Variants in EHBP1 observed in about 807,000 individuals in gnomAD.
The protein encoded by EHBP1 is EH domain binding protein 1.
Under a neutral mutation model 144.0 loss-of-function variants are expected in EHBP1, and 55 were observed. That is an observed-to-expected ratio of 0.38 (90% CI 0.31 to 0.48). The LOEUF (loss-of-function observed/expected upper bound fraction) is 0.48. EHBP1 is among the 20% of genes least tolerant of loss of function. EHBP1 has a pLI of 0.98. For missense variants in EHBP1, 1,200 were observed against 1,364.2 expected (o/e 0.88, Z 1.90); for synonymous variants, 469 against 472.7 (o/e 0.99, Z 0.10).
intron 5 of EHBP1, among the ~76,000 whole-genome samples, chr2:62,784,904 C>G (rs2042700013): frequency 6.6e-6 from 1 of 152,108 alleles, no homozygotes; most frequent in East Asian, 1.9e-4. Flanking sequence ...TATAGATTTG[C>G]CCACTGGACC....
intron 10 of EHBP1, among the ~76,000 whole-genome samples, chr2:62,909,440 T>C (rs571208292): frequency 2.0e-5 from 3 of 152,202 alleles, no homozygotes; most frequent in African/African-American, 7.2e-5. Flanking sequence ...GCCTTGGCCT[T>C]CCAAAGTGCT....
intron 14 of EHBP1, among the ~76,000 whole-genome samples, chr2:62,959,984 G>A (rs1015199581): frequency 3.9e-5 from 6 of 152,136 alleles, no homozygotes; most frequent in African/African-American, 1.2e-4. Context: ...TTAGCTACTT[G>A]TGAGACTTTT....
intron 5 of EHBP1, among the ~76,000 whole-genome samples, chr2:62,792,414 T>G (rs1341271910): frequency 6.6e-6 from 1 of 152,092 alleles, no homozygotes; most frequent in Non-Finnish European, 1.5e-5. Flanking sequence ...TAGTGGTTCA[T>G]ATTCTCGTTT....
At chr2:62,885,776 A>G (rs924998993) in intron 10 of EHBP1, among the ~76,000 whole-genome samples, 4 of 152,196 alleles carry the variant, frequency 2.6e-5, no homozygotes, top group Non-Finnish European at 5.9e-5. Context: ...CGTACATTCC[A>G]TGATGAAATG....
chr2:62,821,987 A>G (rs373020462), intron 5 of EHBP1, among the ~76,000 whole-genome samples: 2 of 152,150 alleles, frequency 1.3e-5, no homozygotes, highest in African/African-American at 2.4e-5. Context: ...AAACAATCCA[A>G]TTCTTTCCGT....
rs763787249 is a variant in EHBP1 at position 62,859,226 on chromosome 2, A to G, written c.692A>G (p.Asn231Ser). ...DEAEKDLATV[N>S]SNPFDDPDAA... is the part of the protein sequence containing the mutation. ...GCAGAAAAGGACTTGGCCACCGTGA[A>G]TTCAAATCCATTTGATGATCCTGAT... is the stretch of plus-strand genomic sequence containing the variant. Residue 231 changes from asparagine (N) to serine (S), a missense_variant, in exon 8 of 23, where the codon AAT becomes AGT. Asn to Ser is a conservative substitution (Grantham distance 46, BLOSUM62 1). Around this residue, in one of 6 missense-constraint regions of EHBP1, gnomAD observed 266 missense variants for 262.4 expected, o/e 1.01. Coordinates refer to ENST00000431489, the MANE Select transcript of EHBP1 (RefSeq NM_001142616.3). 1 of 1,612,358 alleles carries G rather than the reference A, an allele frequency of 6.2e-7. No homozygotes were observed. The highest frequency in any genetic ancestry group is 8.5e-7 in the Non-Finnish European group (1 of 1,178,868).
chr2:62,725,216 A>T (rs369271575), intron 2 of EHBP1, among the ~76,000 whole-genome samples: 1 of 152,138 alleles, frequency 6.6e-6, no homozygotes, highest in Non-Finnish European at 1.5e-5. Context: ...AGTGTTTTGT[A>T]GTGTGGTGAC....
At chr2:62,871,173 A>G (rs1486162512) in intron 9 of EHBP1, among the ~76,000 whole-genome samples, 1 of 152,258 alleles carries the variant, frequency 6.6e-6, no homozygotes, top group Non-Finnish European at 1.5e-5. Context: ...AACTTTAAGT[A>G]CAGGCATTCA....
chr2:62,779,326 C>T (rs2152405378), intron 5 of EHBP1, among the ~76,000 whole-genome samples: 1 of 152,216 alleles, frequency 6.6e-6, no homozygotes, highest in South Asian at 2.1e-4. Flanking sequence ...CAGTAATGCC[C>T]ATTTATCTGT....
upstream of EHBP1, among the ~76,000 whole-genome samples, chr2:62,705,378 C>T (rs1321347095): frequency 6.6e-6 from 1 of 152,132 alleles, no homozygotes; most frequent in Non-Finnish European, 1.5e-5. Flanking sequence ...GGACAGCCAC[C>T]TTCTGCAATC....
intron 10 of EHBP1, among the ~76,000 whole-genome samples, chr2:62,920,083 A>G (rs1204834828): frequency 6.6e-6 from 1 of 152,200 alleles, no homozygotes; most frequent in Non-Finnish European, 1.5e-5. Context: ...GATAATGGCT[A>G]AAACTTCCCA....
intron 3 of EHBP1, among the ~76,000 whole-genome samples, chr2:62,761,766 A>C (rs969290967): frequency 6.6e-6 from 1 of 151,934 alleles, no homozygotes; most frequent in African/African-American, 2.4e-5. Context: ...GCATCATTAG[A>C]TTTTCCCTCT....
At chr2:63,039,272 T>C (rs1025436183) in intron 21 of EHBP1, among the ~76,000 whole-genome samples, 1 of 152,204 alleles carries the variant, frequency 6.6e-6, no homozygotes, top group African/African-American at 2.4e-5. Flanking sequence ...CCAACTTGTA[T>C]TAAGTGAATA....
chr2:62,718,979 ATTTT>A (rs1397556532), intron 2 of EHBP1, among the ~76,000 whole-genome samples: 6 of 138,264 alleles, frequency 4.3e-5, no homozygotes, highest in Non-Finnish European at 3.2e-5. Flanking sequence ...TTGAGGTAGA[ATTTT>A]TTTTTTTTTT....
At chr2:63,039,997 GTTCTGT>G (rs1354283062) in intron 21 of EHBP1, among the ~76,000 whole-genome samples, 3 of 152,024 alleles carry the variant, frequency 2.0e-5, no homozygotes, top group African/African-American at 7.2e-5. Context: ...TATTTAAGAA[GTTCTGT>G]GAAACGTGCC....
chr2:62,746,003 A>G (rs1218354305), intron 2 of EHBP1, among the ~76,000 whole-genome samples: 1 of 152,120 alleles, frequency 6.6e-6, no homozygotes, highest in African/African-American at 2.4e-5. Context: ...ATATAATTTC[A>G]GAGTTGAAAT....
At chr2:62,879,986 G>T (rs2051261760) in intron 10 of EHBP1, among the ~76,000 whole-genome samples, 1 of 152,156 alleles carries the variant, frequency 6.6e-6, no homozygotes, top group African/African-American at 2.4e-5. Flanking sequence ...GAAGGGTACA[G>T]TAATCAAAAC....
At chr2:62,684,485 G>A (rs2151735167) in intron 1 of EHBP1, among the ~76,000 whole-genome samples, 1 of 152,304 alleles carries the variant, frequency 6.6e-6, no homozygotes, top group South Asian at 2.1e-4. Flanking sequence ...GGAAAAACAA[G>A]GGTAAAATTA....
At chr2:62,909,542 T>C (rs1297221055) in intron 10 of EHBP1, among the ~76,000 whole-genome samples, 2 of 152,112 alleles carry the variant, frequency 1.3e-5, no homozygotes, top group African/African-American at 2.4e-5. Context: ...GACCAGAAAG[T>C]GAGCAGAAGT....
Sources: gnomAD v4.1 joint callset for allele counts (sites outside exome capture counted in the v4.1 genomes callset) on GRCh38, gnomAD v4.1.1 for gene constraint, gnomAD v4.1.1 regional missense constraint, MANE v1.5 for transcripts, NCBI Gene and HGNC (gene_info 2026-07-23, HGNC 2026-07-21) for gene names.